KCNIP2: variants seen among roughly 807,000 people sequenced by gnomAD.
The protein encoded by KCNIP2 is potassium voltage-gated channel interacting protein 2.
A neutral mutation model predicts 39.0 loss-of-function variants in KCNIP2; 19 were observed. The observed-to-expected ratio is 0.49, with a 90% confidence interval of 0.34 to 0.71. The LOEUF is 0.71. KCNIP2 is among the 30% of genes least tolerant of loss of function. The pLI is 0.01. For missense variants in KCNIP2, 261 were observed against 346.0 expected (o/e 0.75, Z 1.95); for synonymous variants, 111 against 131.2 (o/e 0.85, Z 1.05).
At chr10:101,835,169 T>C (rs1295510472) in intron 1 of KCNIP2, among the ~76,000 whole-genome samples, 1 of 152,150 alleles carries the variant, frequency 6.6e-6, no homozygotes, top group African/African-American at 2.4e-5. Context: ...GTCTACTGTT[T>C]TGTCATTGTA....
rs1054972117 is a variant in KCNIP2 at position 101,836,674 on chromosome 10, T to G, written c.74-5507A>C. On this transcript the variant is annotated intron_variant, in intron 1 of 9. Coordinates refer to ENST00000356640, the MANE Select transcript of KCNIP2 (RefSeq NM_173191.3). ...GCGAAACTCTGTCTCTACAAAAAAT[T>G]AGCCTGGGCTGGGCAAGGTGGCTCA... 4.6e-5 allele frequency among the ~76,000 whole-genome samples: 7 copies of G among 152,012 alleles called. No homozygotes were observed. The South Asian group carries it at 1.2e-3, about 27-fold the overall frequency.
chr10:101,842,622 G>T (rs1175860552), intron 1 of KCNIP2, among the ~76,000 whole-genome samples: 1 of 152,210 alleles, frequency 6.6e-6, no homozygotes, highest in African/African-American at 2.4e-5. Context: ...CCAGGTGCTG[G>T]AGCCATAAGG....
In KCNIP2 at chr10:101,827,242, C is replaced by CTACCCACTCCCAAGTA; in HGVS notation, c.*110_*111insTACTTGGGAGTGGGTA. ...CCCCAAGCTCTTGGATCCCTCCAGC[C>CTACCCACTCCCAAGTA]CCCAGGGAGGCGTAGGATGAGGATA... On this transcript the variant is annotated 3_prime_UTR_variant, in exon 10 of 10. Transcript: ENST00000356640. 7.0e-7 allele frequency: 1 copy of CTACCCACTCCCAAGTA among 1,422,054 alleles called. No individual in the cohort carries two copies. Among genetic ancestry groups the CTACCCACTCCCAAGTA allele is most frequent in the East Asian group, 2.3e-5 (1 of 42,664 alleles). 88.1% of individuals were successfully genotyped at this position (1,422,054 alleles called of 1,614,324 possible).
rs2066390983 is a variant in KCNIP2 at position 101,843,418 on chromosome 10, G to A, written c.73+78C>T. 1.0e-6 allele frequency: 1 copy of A among 963,382 alleles called. No individual in the cohort carries two copies. 59.7% of individuals were successfully genotyped at this position (963,382 alleles called of 1,614,324 possible). On this transcript the variant is annotated intron_variant, in intron 1 of 9. Coordinates refer to ENST00000356640, the MANE Select transcript of KCNIP2 (RefSeq NM_173191.3). The surrounding 1 kb of genome is among the most constrained non-coding windows in gnomAD (Gnocchi z 6.7). ...GGGGCAGAGTGTGGGTGCGGGCCAGGCCGGGGTCGGAGAGGCGGAAGGGTC... is the reference window on the plus strand; with the variant it reads ...GGGGCAGAGTGTGGGTGCGGGCCAGACCGGGGTCGGAGAGGCGGAAGGGTC...
intron 1 of KCNIP2, 81 bp from the exon 2 acceptor site, chr10:101,831,248 A>G (rs1334900855): frequency 5.6e-6 from 6 of 1,076,346 alleles, no homozygotes; most frequent in Non-Finnish European, 6.7e-6. Flanking sequence ...CCAGTCACAA[A>G]TCAACCCCAT....
chr10:101,832,919 C>G (rs993795598), intron 1 of KCNIP2, among the ~76,000 whole-genome samples: 1 of 152,204 alleles, frequency 6.6e-6, no homozygotes, highest in Non-Finnish European at 1.5e-5. Context: ...ATCAACTTCA[C>G]CTTTTCCAGA....
Position 101,829,967 on chromosome 10 carries a change from A to G in KCNIP2, c.170-70T>C, listed in dbSNP as rs1462135319. 5 of 1,520,912 alleles carry G rather than the reference A, an allele frequency of 3.3e-6. No homozygotes were observed. In the East Asian group the frequency reaches 1.3e-4, roughly 39 times the overall value. The allele number at this position is 1,520,912 out of a possible 1,614,324, so 94.2% of individuals were successfully genotyped here. On this transcript the variant is annotated intron_variant, in intron 2 of 9. Transcript: ENST00000356640. ...ACTGCAGACACACACCTGGCCCCTC[A>G]CACTCAGAGCAAACCTCACAACCCA...
chr10:101,832,551 ACCT>A (rs2066031241), intron 1 of KCNIP2, among the ~76,000 whole-genome samples: 1 of 151,598 alleles, frequency 6.6e-6, no homozygotes, highest in African/African-American at 2.4e-5. Context: ...GTGAGTAACC[ACCT>A]CCTCTCCTTC....
At chr10:101,832,295 ACTGTGT>A (rs2066016965) in intron 1 of KCNIP2, among the ~76,000 whole-genome samples, 1 of 98,664 alleles carries the variant, frequency 1.0e-5, no homozygotes, top group African/African-American at 4.5e-5. Context: ...CCTCAGTGTT[ACTGTGT>A]GTGTGTGTGT....
chr10:101,831,000 C>G (rs556668550), intron 2 of KCNIP2, 72 bp downstream of exon 2: 7 of 1,327,938 alleles, frequency 5.3e-6, no homozygotes, highest in African/African-American at 1.4e-5. Context: ...GGGGCACACG[C>G]GCACACACTC....
In KCNIP2 at chr10:101,838,015, G is replaced by C. The variant is rs1287808518; in HGVS notation, c.73+5481C>G. 6.6e-6 allele frequency among the ~76,000 whole-genome samples: 1 copy of C among 152,160 alleles called. No individual in the cohort carries two copies. The highest frequency in any genetic ancestry group is 1.5e-5 in the Non-Finnish European group (1 of 68,014). ...AGAGACCTTGACCCAGCCTTGCCAG[G>C]ACTCATGGTCCTAAATCAGCCAGGC... On this transcript the variant is annotated intron_variant, in intron 1 of 9. Coordinates refer to ENST00000356640, the MANE Select transcript of KCNIP2 (RefSeq NM_173191.3). The surrounding 1 kb of genome is among the most constrained non-coding windows in gnomAD (Gnocchi z 4.0).
intron 2 of KCNIP2, among the ~76,000 whole-genome samples, chr10:101,830,751 G>A (rs574747843): frequency 7.3e-6 from 1 of 137,870 alleles, no homozygotes; most frequent in African/African-American, 2.8e-5. Context: ...ACACGCAGGC[G>A]TGCGGCACGC....
In KCNIP2 at chr10:101,828,932, C is replaced by A; in HGVS notation, c.348+143G>T. On this transcript the variant is annotated intron_variant, in intron 4 of 9. Transcript: ENST00000356640. This position sits in a 1 kb window ranked among gnomAD's most constrained non-coding sequence, Gnocchi z 6.6. Reference sequence around the variant, plus strand: ...TTCCGTTCTGGCCCCGCCCCAGAACCTCCAGCTAGAAGTTCAGTCTCAGGG... The same window carrying A: ...TTCCGTTCTGGCCCCGCCCCAGAACATCCAGCTAGAAGTTCAGTCTCAGGG... 6.7e-7 allele frequency: 1 copy of A among 1,501,538 alleles called. No individual in the cohort carries two copies. Among genetic ancestry groups the A allele is most frequent in the Non-Finnish European group, 8.9e-7 (1 of 1,118,554 alleles). The allele number at this position is 1,501,538 out of a possible 1,614,324, so 93.0% of individuals were successfully genotyped here. A position where few individuals can be genotyped will look rare whatever the true frequency, so the allele number is the denominator to read the frequency against.
intron 1 of KCNIP2, among the ~76,000 whole-genome samples, chr10:101,841,923 C>G (rs1372426406): frequency 6.6e-6 from 1 of 152,266 alleles, no homozygotes; most frequent in African/African-American, 2.4e-5. Context: ...AAGAGCTGGA[C>G]AGTGGGTCCT....
At position 101,830,780 on chromosome 10, in the gene KCNIP2, A is replaced by ACACACG. The variant is rs990978925; in HGVS notation, c.169+291_169+292insCGTGTG. On this transcript the variant is annotated intron_variant, in intron 2 of 9. Coordinates refer to ENST00000356640, the MANE Select transcript of KCNIP2 (RefSeq NM_173191.3). ...GGCACGCCTCCCCATACACACACACACGCGCGCGGGCCTGGGGCACGCCCT... is the reference window on the plus strand; with the variant it reads ...GGCACGCCTCCCCATACACACACACACACACGCGCGCGCGGGCCTGGGGCACGCCCT... Among the ~76,000 whole-genome samples the ACACACG allele has an allele frequency of 1.2e-4, 16 of 132,204 alleles. 1 individual carries two copies. Among genetic ancestry groups the ACACACG allele is most frequent in the East Asian group, 9.8e-4 (4 of 4,098 alleles). The allele number at this position is 132,204 out of a possible 152,430, so 86.7% of individuals were successfully genotyped here. A position where few individuals can be genotyped will look rare whatever the true frequency, so the allele number is the denominator to read the frequency against.
intron 1 of KCNIP2, chr10:101,839,957 T>A: frequency 5.3e-6 from 5 of 938,914 alleles, no homozygotes; most frequent in Non-Finnish European, 7.6e-6. Flanking sequence ...CCGGCAGGCA[T>A]AGGATCGAAA....
intron 1 of KCNIP2, among the ~76,000 whole-genome samples, chr10:101,841,432 G>A (rs1246474468): frequency 6.6e-6 from 1 of 152,160 alleles, no homozygotes; most frequent in Admixed American, 6.5e-5. Context: ...TGACACTGGC[G>A]TCCCAACCCG....
chr10:101,840,060 G>GGA (rs1407045064), intron 1 of KCNIP2, among the ~76,000 whole-genome samples: 1 of 149,126 alleles, frequency 6.7e-6, no homozygotes, highest in Non-Finnish European at 1.5e-5. Context: ...TCCTGGACGG[G>GGA]GGGGGGGGGT....
chr10:101,828,881 C>G lies in KCNIP2; in HGVS notation c.349-185G>C. 5 of 1,543,976 alleles carry G rather than the reference C, an allele frequency of 3.2e-6. No individual in the cohort carries two copies. The highest frequency in any genetic ancestry group is 2.4e-5 in the South Asian group (2 of 84,108). ...CAGTGCACAAATAAAAAACATGGAACGAAACTGACAGTCTACAGGCGCCAC... is the reference window on the plus strand; with the variant it reads ...CAGTGCACAAATAAAAAACATGGAAGGAAACTGACAGTCTACAGGCGCCAC... On this transcript the variant is annotated intron_variant, in intron 4 of 9. Transcript: ENST00000356640. The surrounding 1 kb of genome is among the most constrained non-coding windows in gnomAD (Gnocchi z 6.6).
Sources: gnomAD v4.1 joint callset for allele counts (sites outside exome capture counted in the v4.1 genomes callset) on GRCh38, gnomAD v4.1.1 for gene constraint, Gnocchi (gnomAD v3.1) non-coding constraint, MANE v1.5 for transcripts, NCBI Gene and HGNC (gene_info 2026-07-23, HGNC 2026-07-21) for gene names.